Variants in FLNA observed in about 807,000 individuals in gnomAD.
FLNA encodes the protein filamin-A.
Under a neutral mutation model 157.6 loss-of-function variants are expected in FLNA, and 7 were observed. That is an observed-to-expected ratio of 0.04 (90% CI 0.03 to 0.08). The LOEUF (loss-of-function observed/expected upper bound fraction) is 0.08, where lower values mean the gene tolerates loss of function less well. Ranked by LOEUF, FLNA falls within the 10% of genes least tolerant of loss-of-function variation. FLNA has a pLI of 1.00. For missense variants in FLNA, 1,750 were observed against 2,398.4 expected (o/e 0.73, Z 5.65); for synonymous variants, 1,103 against 1,060.8 (o/e 1.04, Z -0.77).
chrX:154,354,778 G>C, intron 31 of FLNA, 47 bp downstream of exon 31: 1 of 1,210,635 alleles, frequency 8.3e-7, no homozygotes, highest in Non-Finnish European at 1.1e-6. Flanking sequence ...GGAACAGGCC[G>C]GGACCTGCCA....
chrX:154,348,898 C>A lies in FLNA; in HGVS notation c.7895G>T (p.Trp2632Leu). Residue 2632 changes from tryptophan (W) to leucine (L), a missense_variant, in exon 48 of 48, where the codon TGG (tryptophan) becomes TTG (leucine). Coordinates refer to ENST00000369850, the MANE Select transcript of FLNA (RefSeq NM_001110556.2). ...GCTGCCTGGGATGTGCTCGTCCCCC[C>A]ATTTGACCACCAGTGTGTACTCCCC... ...DKGEYTLVVK[W>L]GDEHIPGSPY... 1 of 1,211,046 alleles carries A rather than the reference C, an allele frequency of 8.3e-7. No individual in the cohort carries two copies. Among genetic ancestry groups the A allele is most frequent in the Non-Finnish European group, 1.1e-6 (1 of 895,035 alleles).
rs369583365 is a variant in FLNA, at chrX:154,360,513, G to A, written c.3282C>T (p.Gly1094=). 3.6e-5 allele frequency: 43 copies of A among 1,210,002 alleles called. No individual in the cohort carries two copies. In the South Asian group the frequency reaches 5.4e-4, roughly 15 times the overall value. The change falls in exon 22 of 48, where the codon GGC becomes GGT. Residue 1094 remains glycine, a synonymous_variant. Transcript: ENST00000369850. The part of the protein sequence containing the change: ...SPARFTIDTK[G]AGTGGLGLTV... ...TCAGGCCCAGGCCACCTGTGCCGGCGCCCTTGGTGTCGATGGTGAAGCGGG... is the reference window on the plus strand; with the variant it reads ...TCAGGCCCAGGCCACCTGTGCCGGCACCCTTGGTGTCGATGGTGAAGCGGG...
rs781868130 is a variant in FLNA, at chrX:154,359,391, G to A, written c.4158C>T (p.Gly1386=). The A allele has an allele frequency of 9.1e-6, 11 of 1,210,176 alleles. No homozygotes were observed. The highest frequency in any genetic ancestry group is 5.3e-5 in the South Asian group (3 of 56,937). ...FTVETRGAGT[G]GLGLAVEGPS... is the part of the protein sequence containing the mutation. ...GGCCCTCTACAGCCAGGCCCAGGCCGCCCGTGCCAGCTCCCCTGGTCCAAA... is the reference window on the plus strand; with the variant it reads ...GGCCCTCTACAGCCAGGCCCAGGCCACCCGTGCCAGCTCCCCTGGTCCAAA... The change falls in exon 25 of 48, where the codon GGC becomes GGT. Residue 1386 remains glycine, a synonymous_variant. Transcript: ENST00000369850.
At chrX:154,351,427 C>A in intron 43 of FLNA, 154 bp downstream of exon 43, 1 of 460,605 alleles carries the variant, frequency 2.2e-6, no homozygotes. Context: ...CTGCCGACCC[C>A]AAGCGTGGGC....
chrX:154,351,929 G>T lies in FLNA; in HGVS notation c.6862C>A (p.Arg2288Ser). 1 of 1,211,717 alleles carries T rather than the reference G, an allele frequency of 8.3e-7. No individual in the cohort carries two copies. Among genetic ancestry groups the T allele is most frequent in the Non-Finnish European group, 1.1e-6 (1 of 895,474 alleles). ...PSKAEISFEDRKDGSCGVAYV... is the reference protein window; with the variant it reads ...PSKAEISFEDSKDGSCGVAYV... ...GCCACACCACAGGAGCCGTCCTTGC[G>T]GTCCTCAAAAGAGATCTCAGCCTTG... The change falls in exon 42 of 48, where the codon CGC becomes AGC. Residue 2288 changes from arginine (R) to serine (S), a missense_variant. By Grantham distance (110) the Arg-to-Ser change is moderately radical. Coordinates refer to ENST00000369850, the MANE Select transcript of FLNA (RefSeq NM_001110556.2).
intron 19 of FLNA, 95 bp from the exon 20 acceptor site, chrX:154,361,882 AG>A: frequency 9.0e-7 from 1 of 1,105,274 alleles, no homozygotes; most frequent in Middle Eastern, 2.5e-4. Flanking sequence ...CTCCCAGGTA[AG>A]GAATGAGAGT....
Position 154,360,249 on chromosome X carries a change from T to C in FLNA, c.3546A>G (p.Gln1182=), listed in dbSNP as rs782119340. 5.8e-6 allele frequency: 7 copies of C among 1,211,705 alleles called. No individual in the cohort carries two copies. In the South Asian group the frequency reaches 8.8e-5, roughly 15 times the overall value. ...RATAGEVGQF[Q]VDCSSAGSAE... is the part of the protein sequence containing the mutation. ...CGCTGCCCGCGCTCGAGCAGTCCAC[T>C]TGGAATTGGCCCACCTCCCCAGCGG... Residue 1182 remains glutamine, a synonymous_variant, in exon 22 of 48, where the codon CAA becomes CAG. Transcript: ENST00000369850.
intron 2 of FLNA, among the ~76,000 whole-genome samples, chrX:154,368,799 G>A (rs1281029412): frequency 1.9e-4 from 21 of 113,209 alleles, no homozygotes; most frequent in African/African-American, 6.1e-4. Context: ...ACATGGCCCT[G>A]ACTCACTGGG....
intron 14 of FLNA, 24 bp downstream of exon 14, chrX:154,364,235 C>T: frequency 8.3e-7 from 1 of 1,206,705 alleles, no homozygotes; most frequent in Non-Finnish European, 1.1e-6. Context: ...CCTGCCCTGC[C>T]CCCAACACCC....
chrX:154,354,849 C>T lies in FLNA; in HGVS notation c.5193G>A (p.Val1731=), dbSNP rs201458268. 6.2e-4 allele frequency: 748 copies of T among 1,211,013 alleles called. No individual in the cohort carries two copies. The highest frequency in any genetic ancestry group is 8.1e-4 in the Non-Finnish European group (722 of 895,462). The part of the protein sequence containing the change: ...VICVRFGGEH[V]PNSPFQVTAL... ...CCGTCACTTGGAAGGGGCTGTTGGG[C>T]ACGTGCTCGCCACCAAAGCGCACAC... is the stretch of plus-strand genomic sequence containing the variant. Residue 1731 remains valine (V), a synonymous_variant, in exon 31 of 48, where the codon GTG becomes GTA. Transcript: ENST00000369850.
At chrX:154,363,203 G>A (rs2067727045) in intron 15 of FLNA, among the ~76,000 whole-genome samples, 3 of 107,693 alleles carry the variant, frequency 2.8e-5, no homozygotes, top group African/African-American at 1.0e-4. Context: ...GACCACCTGG[G>A]GTCAGGCGGT....
In FLNA at chrX:154,366,806, T is replaced by G; in HGVS notation, c.913A>C (p.Thr305Pro). Residue 305 changes from threonine (T) to proline (P), a missense_variant, in exon 6 of 48, where the codon ACT becomes CCT. By Grantham distance (38) the Thr-to-Pro change is conservative. This residue lies in a region of FLNA where 648 missense variants were observed against 805.8 expected (regional missense o/e 0.80). Coordinates refer to ENST00000369850, the MANE Select transcript of FLNA (RefSeq NM_001110556.2). ...GNMVKKRAEF[T>P]VETRSAGQGE... Reference sequence around the variant, plus strand: ...TGGCCAGCACTTCTGGTCTCCACAGTGAACTCTGCCCGCTTCTTCACCATG... The same window carrying G: ...TGGCCAGCACTTCTGGTCTCCACAGGGAACTCTGCCCGCTTCTTCACCATG... 8.3e-7 allele frequency: 1 copy of G among 1,211,722 alleles called. No individual in the cohort carries two copies. Among genetic ancestry groups the G allele is most frequent in the Non-Finnish European group, 1.1e-6 (1 of 895,358 alleles).
At position 154,355,339 on chromosome X, in the gene FLNA, C is replaced by A. The variant is rs193151143; in HGVS notation, c.4970-267G>T. Among the ~76,000 whole-genome samples the A allele has an allele frequency of 2.1e-3, 237 of 113,723 alleles. 2 individuals are homozygous for A. The Admixed American group carries it at 0.022, about 10-fold the overall frequency. ...AGGTGCCTGGGAGGAAAAGGAAGGGCCCACTCCAGCCTAAGTGTTGACAGC... is the reference window on the plus strand; with the variant it reads ...AGGTGCCTGGGAGGAAAAGGAAGGGACCACTCCAGCCTAAGTGTTGACAGC... On this transcript the variant is annotated intron_variant, in intron 30 of 47. Coordinates refer to ENST00000369850, the MANE Select transcript of FLNA (RefSeq NM_001110556.2).
At position 154,349,857 on chromosome X, in the gene FLNA, A is replaced by T. The variant is rs1271322732; in HGVS notation, c.7344T>A (p.Ala2448=). 2.5e-6 allele frequency: 3 copies of T among 1,209,472 alleles called. No homozygotes were observed. The highest frequency in any genetic ancestry group is 3.4e-6 in the Non-Finnish European group (3 of 894,738). ...GLEGGVTGNP[A]EFVVNTSNAG... is the part of the protein sequence containing the mutation. ...CATTGCTCGTGTTCACGACGAACTCAGCTGGGTTCCCTGGGAGCACAGGAG... is the reference window on the plus strand; with the variant it reads ...CATTGCTCGTGTTCACGACGAACTCTGCTGGGTTCCCTGGGAGCACAGGAG... The change falls in exon 46 of 48, where the codon GCT becomes GCA. Residue 2448 remains alanine (A), a synonymous_variant. Transcript: ENST00000369850.
chrX:154,358,502 C>T lies in FLNA; in HGVS notation c.4541G>A (p.Ser1514Asn). 3 of 1,210,793 alleles carry T rather than the reference C, an allele frequency of 2.5e-6. No homozygotes were observed. The South Asian group carries it at 5.3e-5, about 21-fold the overall frequency. ...DGTQTVNYVP[S>N]REGPYSISVL... ...TGAGATGCTGTAGGGCCCTTCTCGG[C>T]TGGGCACATAATTGACGGTCTGGGT... Residue 1514 changes from serine to asparagine, a missense_variant, in exon 27 of 48, where the codon AGC (serine) becomes AAC (asparagine). Physicochemically the swap from Ser to Asn is conservative, Grantham distance 46. Coordinates refer to ENST00000369850, the MANE Select transcript of FLNA (RefSeq NM_001110556.2).
In FLNA at chrX:154,354,826, G is replaced by A. The variant is rs782768845; in HGVS notation, c.5216C>T (p.Thr1739Met). The A allele has an allele frequency of 1.2e-5, 14 of 1,210,707 alleles. No homozygotes were observed. Among genetic ancestry groups the A allele is most frequent in the Middle Eastern group, 2.3e-4 (1 of 4,355 alleles). ...EHVPNSPFQVTALAGDQPSVQ... is the reference protein window; with the variant it reads ...EHVPNSPFQVMALAGDQPSVQ... ...GACCTACCCCCCACCCCTCCTCACC[G>A]TCACTTGGAAGGGGCTGTTGGGCAC... Residue 1739 changes from threonine to methionine, a missense_variant and splice_region_variant, in exon 31 of 48, where the codon ACG (threonine) becomes ATG (methionine). This residue lies in a region of FLNA where 970 missense variants were observed against 1,302.6 expected (regional missense o/e 0.74). Coordinates refer to ENST00000369850, the MANE Select transcript of FLNA (RefSeq NM_001110556.2).
In FLNA at chrX:154,370,893, C is replaced by T. The variant is rs1406549914; in HGVS notation, c.353G>A (p.Ser118Asn). The change falls in exon 2 of 48, where the codon AGC becomes AAC. Residue 118 changes from serine to asparagine, a missense_variant. This residue lies in a region of FLNA where 71 missense variants were observed against 239.5 expected (regional missense o/e 0.30). Coordinates refer to ENST00000369850, the MANE Select transcript of FLNA (RefSeq NM_001110556.2). ...CTCACCGATGGACACCAGTTTGATG[C>T]TCTCGCGGTCCAGGAACTCGAGCGC... ...SVALEFLDRE[S>N]IKLVSIDSKA... The T allele has an allele frequency of 2.2e-5, 27 of 1,209,387 alleles. No individual in the cohort carries two copies. Among genetic ancestry groups the T allele is most frequent in the Non-Finnish European group, 3.0e-5 (27 of 894,883 alleles).
In FLNA at chrX:154,365,189, G is replaced by A. The variant is rs1293521102; in HGVS notation, c.1638C>T (p.Val546=). Residue 546 remains valine, a synonymous_variant, in exon 11 of 48, where the codon GTC becomes GTT. Coordinates refer to ENST00000369850, the MANE Select transcript of FLNA (RefSeq NM_001110556.2). ...TGATGGTGACGATATAGGTTCCAGG[G>A]ACCATGGGGTAATACTCGAAGCCAT... The part of the protein sequence containing the change: ...GVYGFEYYPM[V]PGTYIVTITW... The A allele has an allele frequency of 8.3e-7, 1 of 1,211,374 alleles. No homozygotes were observed. The highest frequency in any genetic ancestry group is 3.0e-5 in the East Asian group (1 of 33,844).
intron 30 of FLNA, 96 bp from the exon 31 acceptor site, chrX:154,355,168 G>T: frequency 1.0e-6 from 1 of 968,883 alleles, no homozygotes; most frequent in Non-Finnish European, 1.4e-6. Flanking sequence ...GCCTCTCATT[G>T]CCACCACCAA....
Sources: gnomAD v4.1 joint callset for allele counts (sites outside exome capture counted in the v4.1 genomes callset) on GRCh38, gnomAD v4.1.1 for gene constraint, gnomAD v4.1.1 regional missense constraint, MANE v1.5 for transcripts, NCBI Gene and HGNC (gene_info 2026-07-23, HGNC 2026-07-21) for gene names.